NPIPA3: variants seen among roughly 807,000 people sequenced by gnomAD.
NPIPA3 encodes the protein nuclear pore complex interacting protein family member A3.
Under a neutral mutation model 1.4 loss-of-function variants are expected in NPIPA3, and 1 was observed. The observed-to-expected ratio is 0.73, with a 90% CI of 0.26 to 3.47. NPIPA3 has a LOEUF of 3.47. NPIPA3 is among the 30% of genes most tolerant of loss of function. The pLI, the probability that NPIPA3 is intolerant of heterozygous loss-of-function variation, is 0.19.
intron 2 of NPIPA3, among the ~76,000 whole-genome samples, chr16:14,719,450 G>A (rs1471651668): frequency 2.0e-4 from 2 of 9,924 alleles, no homozygotes; most frequent in East Asian, 3.7e-3. Flanking sequence ...GTGAGCCACC[G>A]TGCCAGCCTC....
rs1961449128 is a variant in NPIPA3, at chr16:14,718,845, A to G, written c.250-982A>G. 8.9e-5 allele frequency among the ~76,000 whole-genome samples: 9 copies of G among 100,622 alleles called. No individual in the cohort carries two copies. The South Asian group carries it at 2.5e-3, about 28-fold the overall frequency. 66.0% of individuals were successfully genotyped at this position (100,622 alleles called of 152,430 possible). A position where few individuals can be genotyped will look rare whatever the true frequency, so the allele number is the denominator to read the frequency against. ...TGTACAGTTCAGTTGTGTGAAGTAT[A>G]TTCATGTCATTTTTTTTTTTTTTTT... On this transcript the variant is annotated intron_variant, in intron 2 of 7. Transcript: ENST00000531598.
chr16:14,709,998 GACAC>G lies in NPIPA3; in HGVS notation c.120+949_120+952del, dbSNP rs1359795012. On this transcript the variant is annotated intron_variant, in intron 1 of 7. Transcript: ENST00000531598. ...ATAGATACACACACACACACAGACA[GACAC>G]ACACACACACACATATATATATATA... Among the ~76,000 whole-genome samples the G allele has an allele frequency of 7.9e-5, 4 of 50,654 alleles. No homozygotes were observed. In the South Asian group the frequency reaches 2.2e-3, roughly 28 times the overall value. 33.2% of individuals were successfully genotyped at this position (50,654 alleles called of 152,430 possible).
intron 2 of NPIPA3, among the ~76,000 whole-genome samples, chr16:14,719,471 T>TTGTG (rs1238073380): frequency 0.011 from 138 of 12,722 alleles, 3 homozygotes; most frequent in African/African-American, 0.015. Flanking sequence ...ATGTCATTCT[T>TTGTG]TGTGTGTGTG....
At chr16:14,722,530 A>G (rs1232562612) in intron 4 of NPIPA3, among the ~76,000 whole-genome samples, 1 of 15,636 alleles carries the variant, frequency 6.4e-5, no homozygotes, top group African/African-American at 8.4e-5. Context: ...TTCAGGACAT[A>G]ACACCCTGAC....
intron 1 of NPIPA3, among the ~76,000 whole-genome samples, chr16:14,710,016 T>C (rs1242475542): frequency 0.013 from 868 of 65,590 alleles, 22 homozygotes; most frequent in African/African-American, 0.025. Flanking sequence ...CACACACACA[T>C]ATATATATAT....
rs1408793583 is a variant in NPIPA3 at position 14,722,283 on chromosome 16, C to T, written c.495-909C>T. Among the ~76,000 whole-genome samples, 2 of 57,822 alleles carry T rather than the reference C, an allele frequency of 3.5e-5. 1 individual carries two copies. Among genetic ancestry groups the T allele is most frequent in the Non-Finnish European group, 1.1e-4 (2 of 18,458 alleles). 37.9% of individuals were successfully genotyped at this position (57,822 alleles called of 152,430 possible). A position where few individuals can be genotyped will look rare whatever the true frequency, so the allele number is the denominator to read the frequency against. On this transcript the variant is annotated intron_variant, in intron 4 of 7. Coordinates refer to ENST00000531598, the Ensembl canonical transcript of NPIPA3. ...TCAGAAACAAGTTCATTAACTTTCT[C>T]TTTGAAGTGTTTTCGTCTCTGTTTC...
rs1961742413 is a variant in NPIPA3 at position 14,726,085 on chromosome 16, CG to C, written c.904del (p.Asp302MetfsTer63). On this transcript the variant is annotated frameshift_variant, in exon 8 of 8. Coordinates refer to ENST00000531598, the Ensembl canonical transcript of NPIPA3. LOFTEE classifies it high-confidence loss of function. ...CTTCCACCCTCAGCTCTACCCTCAG[CG>C]GATGATAATCTCAAGACACCTGCGG... is the stretch of plus-strand genomic sequence containing the variant. 1 of 518,454 alleles carries C rather than the reference CG, an allele frequency of 1.9e-6. No homozygotes were observed. Among genetic ancestry groups the C allele is most frequent in the Admixed American group, 3.9e-5 (1 of 25,850 alleles). 32.1% of individuals were successfully genotyped at this position (518,454 alleles called of 1,614,324 possible). A position where few individuals can be genotyped will look rare whatever the true frequency, so the allele number is the denominator to read the frequency against.
chr16:14,718,949 C>T (rs1342931030), intron 2 of NPIPA3, among the ~76,000 whole-genome samples: 1 of 40,192 alleles, frequency 2.5e-5, no homozygotes, highest in African/African-American at 6.7e-5. Flanking sequence ...CCCTCTGCCT[C>T]CTGGGTTCAA....
Position 14,709,978 on chromosome 16 carries a change from TACAC to T in NPIPA3, c.120+927_120+930del, listed in dbSNP as rs1304177587. Among the ~76,000 whole-genome samples the T allele has an allele frequency of 5.5e-3, 253 of 46,012 alleles. 18 individuals carry two copies. The highest frequency in any genetic ancestry group is 0.01 in the Non-Finnish European group (190 of 18,990). The allele number at this position is 46,012 out of a possible 152,430, so 30.2% of individuals were successfully genotyped here. On this transcript the variant is annotated intron_variant, in intron 1 of 7. Transcript: ENST00000531598. Reference sequence around the variant, plus strand: ...CTTTTATTTTTGAGATTTATATAGATACACACACACACACAGACAGACACACACA... The same window carrying T: ...CTTTTATTTTTGAGATTTATATAGATACACACACACAGACAGACACACACA...
chr16:14,710,125 G>A (rs1301339166), intron 1 of NPIPA3, among the ~76,000 whole-genome samples: 10 of 32,382 alleles, frequency 3.1e-4, no homozygotes, highest in African/African-American at 7.8e-4. Context: ...TCCGTCTCCC[G>A]GGTTCAAGCA....
chr16:14,726,269 G>GCTCCACC lies in NPIPA3; in HGVS notation c.1087_1088insTCCACCC (p.Arg363LeufsTer15). The GCTCCACC allele has an allele frequency of 6.8e-3, 123 of 18,018 alleles. No individual in the cohort carries two copies. The highest frequency in any genetic ancestry group is 0.015 in the Non-Finnish European group (92 of 6,204). 1.1% of individuals were successfully genotyped at this position (18,018 alleles called of 1,614,324 possible). The stretch of plus-strand genomic sequence containing the variant: ...TCTGCTCACTCCCCTTCCACCCTCA[G>GCTCCACC]CGGATGATAATCTCAAGAAACTAAG... On this transcript the variant is annotated frameshift_variant, in exon 8 of 8. Coordinates refer to ENST00000531598, the Ensembl canonical transcript of NPIPA3. LOFTEE classifies it high-confidence loss of function.
chr16:14,722,555 G>A (rs1268513526), intron 4 of NPIPA3, among the ~76,000 whole-genome samples: 32 of 13,978 alleles, frequency 2.3e-3, no homozygotes, highest in African/African-American at 2.9e-3. Flanking sequence ...GAGCCATTCC[G>A]ATCATTTCTA....
chr16:14,722,334 C>A (rs1416863368), intron 4 of NPIPA3, among the ~76,000 whole-genome samples: 2 of 56,306 alleles, frequency 3.6e-5, no homozygotes, highest in African/African-American at 7.1e-5. Context: ...TTTTACACAT[C>A]CTTCCTATAA....
chr16:14,713,221 C>T (rs1414139080), intron 1 of NPIPA3, among the ~76,000 whole-genome samples: 21 of 148,806 alleles, frequency 1.4e-4, no homozygotes, highest in Admixed American at 3.4e-4. Flanking sequence ...CCTCGTGATC[C>T]GCCTGCCTCG....
intron 1 of NPIPA3, among the ~76,000 whole-genome samples, chr16:14,712,994 T>TTTTG (rs1555518951): frequency 5.7e-5 from 6 of 105,736 alleles, no homozygotes; most frequent in Admixed American, 1.9e-4. Context: ...GATGACTTTT[T>TTTTG]TTTGTTTGTT....
chr16:14,713,363 T>TTTTATTTA (rs1339341909), intron 1 of NPIPA3, among the ~76,000 whole-genome samples: 1 of 117,392 alleles, frequency 8.5e-6, no homozygotes, highest in African/African-American at 3.0e-5. Context: ...ATCTACATTA[T>TTTTATTTA]TTTATTTATT....
rs1339610089 is a variant in NPIPA3, at chr16:14,719,522, T to A, written c.250-305T>A. Among the ~76,000 whole-genome samples the A allele has an allele frequency of 3.3e-3, 52 of 15,938 alleles. 6 individuals carry two copies. The highest frequency in any genetic ancestry group is 5.0e-3 in the African/African-American group (48 of 9,654). The allele number at this position is 15,938 out of a possible 152,430, so 10.5% of individuals were successfully genotyped here. ...GTGTGTGTGTGTGTGTGTGTGTGTGTGACAGAGTCTCATTCTGTCGCTCAG... is the reference window on the plus strand; with the variant it reads ...GTGTGTGTGTGTGTGTGTGTGTGTGAGACAGAGTCTCATTCTGTCGCTCAG... On this transcript the variant is annotated intron_variant, in intron 2 of 7. Coordinates refer to ENST00000531598, the Ensembl canonical transcript of NPIPA3.
Position 14,719,471 on chromosome 16 carries a change from T to TTGTGTG in NPIPA3, c.250-309_250-304dup, listed in dbSNP as rs1238073380. On this transcript the variant is annotated intron_variant, in intron 2 of 7. Transcript: ENST00000531598. Reference sequence around the variant, plus strand: ...CACCGTGCCAGCCTCATGTCATTCTTTGTGTGTGTGTGTGTGTGTGTGTGT... The same window carrying TTGTGTG: ...CACCGTGCCAGCCTCATGTCATTCTTTGTGTGTGTGTGTGTGTGTGTGTGTGTGTGT... Among the ~76,000 whole-genome samples the TTGTGTG allele has an allele frequency of 4.3e-3, 55 of 12,744 alleles. 1 individual carries two copies. The highest frequency in any genetic ancestry group is 7.0e-3 in the African/African-American group (53 of 7,524). 8.4% of individuals were successfully genotyped at this position (12,744 alleles called of 152,430 possible).
intron 1 of NPIPA3, among the ~76,000 whole-genome samples, chr16:14,710,030 T>C (rs1342926527): frequency 1.3e-5 from 1 of 75,482 alleles, no homozygotes; most frequent in Non-Finnish European, 3.2e-5. Context: ...TATATATATA[T>C]ATATTTTTTT....
Sources: gnomAD v4.1 joint callset for allele counts (sites outside exome capture counted in the v4.1 genomes callset) on GRCh38, gnomAD v4.1.1 for gene constraint, MANE v1.5 for transcripts, NCBI Gene and HGNC (gene_info 2026-07-23, HGNC 2026-07-21) for gene names.